Variants in ZDHHC1 observed in about 807,000 individuals in gnomAD.
ZDHHC1 encodes zDHHC palmitoyltransferase 1, also known as palmitoyltransferase ZDHHC1.
ZDHHC1 carries 45 observed loss-of-function variants against 46.9 expected under a neutral mutation model. The observed-to-expected ratio is 0.96, with a 90% CI of 0.76 to 1.23. The LOEUF (loss-of-function observed/expected upper bound fraction) is 1.23, where lower values mean the gene tolerates loss of function less well. Among genes scored for constraint, ZDHHC1 ranks in the 50% most tolerant of loss-of-function variants. ZDHHC1 has a pLI of 0.00. For synonymous variants in ZDHHC1, 291 were observed against 286.0 expected (o/e 1.02, Z -0.18); for missense variants, 649 against 670.8 (o/e 0.97, Z 0.36).
chr16:67,415,820 C>A (rs1434973732), intron 1 of ZDHHC1, among the ~76,000 whole-genome samples: 1 of 152,202 alleles, frequency 6.6e-6, no homozygotes, highest in Admixed American at 6.5e-5. Context: ...CCATGACCAA[C>A]CCCTCCATTT....
chr16:67,416,407 CCGGCT>C lies in ZDHHC1; in HGVS notation c.-280_-276del. ...TCCGGCTCCGGCTCCGGCTCCGGCT[CCGGCT>C]CCGGCTCCAGCAGGCTGGAGGGGCG... On this transcript the variant is annotated 5_prime_UTR_variant, in exon 1 of 12. Transcript: ENST00000565726. The C allele has an allele frequency of 4.6e-6, 1 of 216,034 alleles. No individual in the cohort carries two copies. The highest frequency in any genetic ancestry group is 9.5e-6 in the Non-Finnish European group (1 of 105,738). The allele number at this position is 216,034 out of a possible 1,614,324, so 13.4% of individuals were successfully genotyped here.
intron 5 of ZDHHC1, 33 bp from the exon 6 acceptor site, chr16:67,398,977 C>T (rs375952924): frequency 3.1e-5 from 49 of 1,605,024 alleles, no homozygotes; most frequent in African/African-American, 2.5e-4. Flanking sequence ...GTCAGCTCCC[C>T]GGAGCTCCAG....
chr16:67,395,862 G>A, intron 8 of ZDHHC1: 3 of 410,274 alleles, frequency 7.3e-6, no homozygotes, highest in East Asian at 4.6e-5. Flanking sequence ...CAGCCAGGGA[G>A]TGGTGGGAAG....
chr16:67,400,328 G>A (rs2040526778), intron 4 of ZDHHC1, among the ~76,000 whole-genome samples: 1 of 152,304 alleles, frequency 6.6e-6, no homozygotes, highest in East Asian at 1.9e-4. Context: ...AGGGTGGAGA[G>A]GGGCCCCTAG....
intron 3 of ZDHHC1, among the ~76,000 whole-genome samples, chr16:67,405,836 A>C (rs951455491): frequency 2.6e-5 from 4 of 152,224 alleles, no homozygotes; most frequent in African/African-American, 9.6e-5. Flanking sequence ...TCTTCGATAG[A>C]TGGACTAATT....
chr16:67,415,026 T>G (rs1027789663), intron 1 of ZDHHC1, among the ~76,000 whole-genome samples: 1 of 151,896 alleles, frequency 6.6e-6, no homozygotes, highest in South Asian at 2.1e-4. Context: ...AATCCCAGAC[T>G]TGGGGGGCTG....
In ZDHHC1 at chr16:67,406,880, G is replaced by A. The variant is rs953166071; in HGVS notation, c.10-438C>T. Among the ~76,000 whole-genome samples, 1 of 152,156 alleles carries A rather than the reference G, an allele frequency of 6.6e-6. No individual in the cohort carries two copies. The highest frequency in any genetic ancestry group is 1.5e-5 in the Non-Finnish European group (1 of 68,032). On this transcript the variant is annotated intron_variant, in intron 2 of 11. Coordinates refer to ENST00000565726, the MANE Select transcript of ZDHHC1 (RefSeq NM_001323627.2). The surrounding 1 kb of genome is among the most constrained non-coding windows in gnomAD (Gnocchi z 4.1). The stretch of plus-strand genomic sequence containing the variant: ...CCAAATGCAAGTGTCAGACACCCCC[G>A]CTATCCTTTGCTCAGGGAAACGGGG...
rs561859392 is a variant in ZDHHC1 at position 67,406,516 on chromosome 16, C to T, written c.10-74G>A. ...TGGAGCCCAGGGCCTGTGTCTGCAG[C>T]CAAGTTTCAGCACAGGGGGAGTAGG... is the stretch of plus-strand genomic sequence containing the variant. On this transcript the variant is annotated intron_variant, in intron 2 of 11. Transcript: ENST00000565726. The surrounding 1 kb of genome is among the most constrained non-coding windows in gnomAD (Gnocchi z 4.1). 6 of 1,440,728 alleles carry T rather than the reference C, an allele frequency of 4.2e-6. No homozygotes were observed. In the East Asian group the frequency reaches 1.3e-4, roughly 30 times the overall value. The allele number at this position is 1,440,728 out of a possible 1,614,324, so 89.2% of individuals were successfully genotyped here. A position where few individuals can be genotyped will look rare whatever the true frequency, so the allele number is the denominator to read the frequency against.
rs532293769 is a variant in ZDHHC1, at chr16:67,396,007, C to T, written c.928-441G>A. ...AGAGCTGAGTCCTGGGCACACCCCT[C>T]GCCCTCACAGAGGACCAGCCACGAT... is the stretch of plus-strand genomic sequence containing the variant. On this transcript the variant is annotated intron_variant, in intron 8 of 11. Transcript: ENST00000565726. 11 of 165,008 alleles carry T rather than the reference C, an allele frequency of 6.7e-5. No homozygotes were observed. The East Asian group carries it at 1.9e-3, about 29-fold the overall frequency. 10.2% of individuals were successfully genotyped at this position (165,008 alleles called of 1,614,324 possible). A position where few individuals can be genotyped will look rare whatever the true frequency, so the allele number is the denominator to read the frequency against.
chr16:67,404,976 G>A (rs1311442015), intron 3 of ZDHHC1, among the ~76,000 whole-genome samples: 3 of 152,238 alleles, frequency 2.0e-5, no homozygotes, highest in Non-Finnish European at 2.9e-5. Flanking sequence ...CCAGATCACA[G>A]GAGGAATGTC....
intron 1 of ZDHHC1, among the ~76,000 whole-genome samples, chr16:67,415,275 T>C (rs890524457): frequency 6.6e-6 from 1 of 151,172 alleles, no homozygotes; most frequent in Non-Finnish European, 1.5e-5. Flanking sequence ...CTGGGCAAAA[T>C]AGTAAGACCT....
At chr16:67,398,151 C>T in intron 8 of ZDHHC1, 61 bp downstream of exon 8, 2 of 1,528,068 alleles carry the variant, frequency 1.3e-6, no homozygotes, top group Non-Finnish European at 1.8e-6. Flanking sequence ...TCACTGGCTG[C>T]TCGCTGCACA....
intron 1 of ZDHHC1, among the ~76,000 whole-genome samples, chr16:67,411,273 G>A (rs1205965722): frequency 5.3e-5 from 8 of 152,204 alleles, no homozygotes; most frequent in African/African-American, 1.9e-4. Context: ...AGAGGACAAG[G>A]AACTGGGAGG....
chr16:67,412,441 C>T lies in ZDHHC1; in HGVS notation c.-39+3730G>A, dbSNP rs147565613. Among the ~76,000 whole-genome samples, 454 of 151,134 alleles carry T rather than the reference C, an allele frequency of 3.0e-3. 2 individuals are homozygous for T. Among genetic ancestry groups the T allele is most frequent in the Middle Eastern group, 0.027 (8 of 292 alleles). On this transcript the variant is annotated intron_variant, in intron 1 of 11. Transcript: ENST00000565726. Reference sequence around the variant, plus strand: ...GAAACACACTCGTGTGATCTAGAGCCCTGTTATCATGCCAGACAAAGAATT... The same window carrying T: ...GAAACACACTCGTGTGATCTAGAGCTCTGTTATCATGCCAGACAAAGAATT...
At chr16:67,399,068 C>G in intron 5 of ZDHHC1, 124 bp from the exon 6 acceptor site, 1 of 1,361,320 alleles carries the variant, frequency 7.3e-7, no homozygotes, top group Non-Finnish European at 9.7e-7. Context: ...ACAGCCCCAA[C>G]TCCTCAGAAG....
At chr16:67,408,618 C>G (rs2040702726) in intron 1 of ZDHHC1, among the ~76,000 whole-genome samples, 1 of 152,114 alleles carries the variant, frequency 6.6e-6, no homozygotes, top group African/African-American at 2.4e-5. Flanking sequence ...TCCTGAGTAG[C>G]TAGAAATACA....
chr16:67,395,624 G>GAGCCCTA, intron 8 of ZDHHC1, 58 bp from the exon 9 acceptor site: 1 of 1,512,078 alleles, frequency 6.6e-7, no homozygotes, highest in East Asian at 2.5e-5. Context: ...CGAGCCTGCT[G>GAGCCCTA]AGCCCTAAGC....
chr16:67,407,371 A>G (rs1313202806), intron 2 of ZDHHC1, among the ~76,000 whole-genome samples: 1 of 152,242 alleles, frequency 6.6e-6, no homozygotes, highest in Non-Finnish European at 1.5e-5. Context: ...CATGGTGGGA[A>G]GGCCAGGAGC....
At chr16:67,396,690 G>A (rs534954661) in intron 8 of ZDHHC1, among the ~76,000 whole-genome samples, 3 of 152,166 alleles carry the variant, frequency 2.0e-5, no homozygotes, top group South Asian at 2.1e-4. Flanking sequence ...AGCCTGGGCC[G>A]AGGAGCGCGG....
Sources: allele counts gnomAD v4.1 joint callset (sites outside exome capture counted in the v4.1 genomes callset), GRCh38; gene constraint gnomAD v4.1.1; non-coding constraint Gnocchi (gnomAD v3.1); transcripts MANE v1.5; gene names NCBI Gene and HGNC (gene_info 2026-07-23, HGNC 2026-07-21).